TENM2: variants seen among roughly 807,000 people sequenced by gnomAD.
The protein encoded by TENM2 is teneurin transmembrane protein 2.
A neutral mutation model predicts 245.2 loss-of-function variants in TENM2; 52 were observed. The ratio of observed to expected loss-of-function variants is 0.21; its 90% CI spans 0.17 to 0.27. TENM2 has a LOEUF of 0.27. TENM2 is among the 10% of genes least tolerant of loss of function. The pLI is 1.00. For synonymous variants in TENM2, 1,363 were observed against 1,438.9 expected (o/e 0.95, Z 1.19); for missense variants, 3,046 against 3,666.8 (o/e 0.83, Z 4.37).
intron 19 of TENM2, among the ~76,000 whole-genome samples, chr5:168,210,361 AG>A (rs1159150370): frequency 6.6e-6 from 1 of 152,232 alleles, no homozygotes; most frequent in Non-Finnish European, 1.5e-5. Flanking sequence ...GAAGTAGGTC[AG>A]GCCTGCAGAC....
the TENM2 span, among the ~76,000 whole-genome samples, chr5:167,155,241 T>C: frequency 2.6e-5 from 4 of 152,340 alleles, no homozygotes; most frequent in African/African-American, 4.8e-5. Flanking sequence ...TGTTAAGATA[T>C]CATTATGCTT....
chr5:167,870,243 C>T (rs2151336564), intron 2 of TENM2, among the ~76,000 whole-genome samples: 1 of 152,246 alleles, frequency 6.6e-6, no homozygotes, highest in Non-Finnish European at 1.5e-5. Flanking sequence ...AACCTTGTTT[C>T]TGCCCAGGAT....
the TENM2 span, among the ~76,000 whole-genome samples, chr5:166,993,789 C>T: frequency 3.9e-5 from 6 of 152,028 alleles, no homozygotes; most frequent in African/African-American, 9.7e-5. Context: ...ATTAAATAAC[C>T]GACACAATTT....
chr5:167,855,395 A>G (rs1473318023), intron 2 of TENM2, among the ~76,000 whole-genome samples: 2 of 151,916 alleles, frequency 1.3e-5, no homozygotes, highest in Non-Finnish European at 2.9e-5. Flanking sequence ...ACACACACAC[A>G]TATGTTGTGT....
chr5:168,199,925 G>A, exon 17 of TENM2: 1 of 1,613,944 alleles, frequency 6.2e-7, no homozygotes, highest in Non-Finnish European at 8.5e-7. Context: ...CTGAGCTCTA[G>A]AACTGCAGGG....
intron 1 of TENM2, among the ~76,000 whole-genome samples, chr5:167,303,557 C>T (rs1755487443): frequency 6.6e-6 from 1 of 152,048 alleles, no homozygotes; most frequent in African/African-American, 2.4e-5. Flanking sequence ...AAGGCAGGAA[C>T]AGGCCATTTT....
intron 2 of TENM2, among the ~76,000 whole-genome samples, chr5:167,719,916 C>T (rs78441995): frequency 6.6e-6 from 1 of 151,954 alleles, no homozygotes; most frequent in East Asian, 1.9e-4. Flanking sequence ...GGTTGAGAAC[C>T]CTTGCTGTAG....
At chr5:167,872,516 GA>G (rs1230369609) in intron 2 of TENM2, among the ~76,000 whole-genome samples, 6 of 49,650 alleles carry the variant, frequency 1.2e-4, no homozygotes, top group Non-Finnish European at 2.3e-4. Flanking sequence ...AAGAAAGAAA[GA>G]AAGAAAGAAA....
chr5:167,259,283 T>C, the TENM2 span, among the ~76,000 whole-genome samples: 1 of 152,168 alleles, frequency 6.6e-6, no homozygotes. Flanking sequence ...GAGACACATA[T>C]AGTTGGATCT....
intron 4 of TENM2, among the ~76,000 whole-genome samples, chr5:167,956,670 T>A (rs959641058): frequency 6.6e-6 from 1 of 152,208 alleles, no homozygotes; most frequent in Non-Finnish European, 1.5e-5. Context: ...TATTGAGAGT[T>A]TTTAGCATGA....
chr5:167,756,668 T>C (rs1222897808), intron 2 of TENM2, among the ~76,000 whole-genome samples: 1 of 152,162 alleles, frequency 6.6e-6, no homozygotes, highest in Non-Finnish European at 1.5e-5. Flanking sequence ...TCATGGAGAC[T>C]CTGTGTCTTC....
chr5:168,190,327 G>T lies in TENM2; in HGVS notation c.2570-10G>T, dbSNP rs1396316872. ...ATCTGCTGACTCTGGCTCTGCCTCT[G>T]CCCTTCCAGATGGCCTGGTGGATTG... On this transcript the variant is annotated splice_polypyrimidine_tract_variant and intron_variant, in intron 13 of 28. Coordinates refer to ENST00000518659, the Ensembl canonical transcript of TENM2. The T allele has an allele frequency of 2.5e-6, 4 of 1,610,694 alleles. No homozygotes were observed. The highest frequency in any genetic ancestry group is 3.4e-6 in the Non-Finnish European group (4 of 1,178,058).
chr5:167,442,898 C>T (rs1764951365), intron 2 of TENM2, among the ~76,000 whole-genome samples: 1 of 152,104 alleles, frequency 6.6e-6, no homozygotes. Flanking sequence ...TATCATGGGT[C>T]AGTTATGAAA....
At chr5:167,727,780 T>G (rs183796804) in intron 2 of TENM2, among the ~76,000 whole-genome samples, 9 of 152,336 alleles carry the variant, frequency 5.9e-5, no homozygotes, top group Admixed American at 2.6e-4. Flanking sequence ...CCAGAAAGGT[T>G]TAAATGTTTA....
At chr5:168,226,106 C>T (rs773715046) in exon 24 of TENM2, 52 of 1,613,380 alleles carry the variant, frequency 3.2e-5, no homozygotes, top group Non-Finnish European at 4.2e-5. Flanking sequence ...ACGAAGGCCG[C>T]CTGACCAACG....
chr5:167,532,629 A>G (rs1018710177), intron 2 of TENM2, among the ~76,000 whole-genome samples: 1 of 151,912 alleles, frequency 6.6e-6, no homozygotes, highest in African/African-American at 2.4e-5. Context: ...TTCTTCCCAC[A>G]GCCTGTGGGA....
intron 2 of TENM2, among the ~76,000 whole-genome samples, chr5:167,646,210 T>TATATATATGTTGTTTTC (rs1779949921): frequency 7.5e-6 from 1 of 133,574 alleles, no homozygotes; most frequent in African/African-American, 3.3e-5. Context: ...CATATATATA[T>TATATATATGTTGTTTTC]ATATATATAT....
intron 12 of TENM2, chr5:168,130,368 A>G (rs901806161): frequency 2.6e-5 from 4 of 152,256 alleles, no homozygotes; most frequent in Non-Finnish European, 4.4e-5. Context: ...AATATATGGC[A>G]TGGCTAAAAT....
At chr5:167,058,745 T>C in the TENM2 span, among the ~76,000 whole-genome samples, 2 of 151,946 alleles carry the variant, frequency 1.3e-5, no homozygotes, top group Admixed American at 6.6e-5. Flanking sequence ...AGCAAGACTT[T>C]GTCTCTTAAG....
Sources: gnomAD v4.1 joint callset for allele counts (sites outside exome capture counted in the v4.1 genomes callset) on GRCh38, gnomAD v4.1.1 for gene constraint, MANE v1.5 for transcripts, NCBI Gene and HGNC (gene_info 2026-07-23, HGNC 2026-07-21) for gene names.